Variants in CPAP observed in about 807,000 individuals in gnomAD.
The protein encoded by CPAP is centrosome assembly and centriole elongation protein, also known as centrosomal P4.1-associated protein.
At chr13:24,920,777 T>C in the CPAP span, among the ~76,000 whole-genome samples, 21 of 134,154 alleles carry the variant, frequency 1.6e-4, no homozygotes, top group East Asian at 3.1e-3. Context: ...TGCACCACCA[T>C]ACCTGGCTTT....
chr13:24,906,504 T>C, the CPAP span: 3 of 1,614,238 alleles, frequency 1.9e-6, no homozygotes, highest in Non-Finnish European at 2.5e-6. Context: ...GTGCAGCCAG[T>C]ATCGCAAGGT....
At chr13:24,891,591 AAC>A in the CPAP span, among the ~76,000 whole-genome samples, 1 of 151,590 alleles carries the variant, frequency 6.6e-6, no homozygotes, top group Non-Finnish European at 1.5e-5. Context: ...CTCAACAACA[AAC>A]ACAGTCTGCT....
chr13:24,890,398 CCT>C, the CPAP span, among the ~76,000 whole-genome samples: 3 of 152,194 alleles, frequency 2.0e-5, no homozygotes, highest in Non-Finnish European at 4.4e-5. Flanking sequence ...ATTCCCCACC[CCT>C]GACCACGCTC....
the CPAP span, among the ~76,000 whole-genome samples, chr13:24,933,788 G>A: frequency 6.6e-6 from 1 of 151,556 alleles, no homozygotes; most frequent in Admixed American, 6.6e-5. Flanking sequence ...GCAGTGGTGC[G>A]ATCTCAGCTC....
the CPAP span, among the ~76,000 whole-genome samples, chr13:24,915,546 G>C: frequency 1.3e-5 from 2 of 152,178 alleles, no homozygotes; most frequent in Non-Finnish European, 2.9e-5. Context: ...GCTCACGCCT[G>C]TAATCCCAGC....
the CPAP span, chr13:24,884,130 A>AATT: frequency 4.6e-6 from 7 of 1,527,592 alleles, no homozygotes; most frequent in East Asian, 1.7e-4. Context: ...GGAAGGGAAG[A>AATT]ATTTAATGAG....
the CPAP span, among the ~76,000 whole-genome samples, chr13:24,895,634 C>G: frequency 3.3e-5 from 5 of 152,282 alleles, no homozygotes; most frequent in East Asian, 9.6e-4. Flanking sequence ...ACCAAACAGT[C>G]TTAAATAACC....
chr13:24,893,672 T>C, the CPAP span, among the ~76,000 whole-genome samples: 1 of 152,246 alleles, frequency 6.6e-6, no homozygotes, highest in Non-Finnish European at 1.5e-5. Flanking sequence ...CCTCCATGAA[T>C]ATCAGGTTTC....
At chr13:24,917,932 C>T in the CPAP span, among the ~76,000 whole-genome samples, 7 of 152,178 alleles carry the variant, frequency 4.6e-5, no homozygotes, top group Non-Finnish European at 7.3e-5. Flanking sequence ...CAGCATTAAT[C>T]CATTCATTAG....
At chr13:24,923,457 G>C in the CPAP span, among the ~76,000 whole-genome samples, 2 of 152,132 alleles carry the variant, frequency 1.3e-5, no homozygotes, top group African/African-American at 4.8e-5. Flanking sequence ...TCGGTGGTTT[G>C]GCAGAGTGTG....
chr13:24,901,638 A>G, the CPAP span, among the ~76,000 whole-genome samples: 2 of 152,226 alleles, frequency 1.3e-5, no homozygotes, highest in Admixed American at 1.3e-4. Context: ...TAATACAGTC[A>G]TTTCAAGGAT....
chr13:24,882,957 C>T, the CPAP span: 1 of 550,024 alleles, frequency 1.8e-6, no homozygotes, highest in Non-Finnish European at 3.2e-6. Context: ...AGTCAAAATG[C>T]TTTCCTTAGT....
At chr13:24,883,122 A>G in the CPAP span, 6 of 1,402,292 alleles carry the variant, frequency 4.3e-6, no homozygotes, top group Admixed American at 1.0e-4. Flanking sequence ...CAGTAAATGT[A>G]CATTTTTTAA....
chr13:24,894,013 C>T, the CPAP span, among the ~76,000 whole-genome samples: 2 of 151,932 alleles, frequency 1.3e-5, no homozygotes, highest in Admixed American at 1.3e-4. Flanking sequence ...ATGACACGTG[C>T]TGGGTGTCAC....
At chr13:24,912,794 G>A in the CPAP span, 1 of 1,614,114 alleles carries the variant, frequency 6.2e-7, no homozygotes, top group Non-Finnish European at 8.5e-7. Flanking sequence ...TCCAACTTCT[G>A]TTCTTCAAGA....
chr13:24,921,397 G>A, the CPAP span, among the ~76,000 whole-genome samples: 39 of 152,172 alleles, frequency 2.6e-4, no homozygotes, highest in African/African-American at 8.2e-4. Flanking sequence ...TGGTCTGTAC[G>A]CCTGGAACCG....
the CPAP span, among the ~76,000 whole-genome samples, chr13:24,901,174 C>T: frequency 6.6e-6 from 1 of 152,252 alleles, no homozygotes; most frequent in East Asian, 1.9e-4. Context: ...TTCAAAATGT[C>T]GACCGTGTGC....
chr13:24,885,152 A>G, the CPAP span: 3 of 693,666 alleles, frequency 4.3e-6, no homozygotes, highest in South Asian at 5.0e-5. Context: ...TGAATCTCTG[A>G]ACGAGAAATG....
At chr13:24,904,006 T>C in the CPAP span, 1 of 1,614,138 alleles carries the variant, frequency 6.2e-7, no homozygotes, top group Non-Finnish European at 8.5e-7. Flanking sequence ...TTTCTATTTC[T>C]GTTTCCAATT....
Sources: gnomAD v4.1 joint callset for allele counts (sites outside exome capture counted in the v4.1 genomes callset) on GRCh38, gnomAD v4.1.1 for gene constraint, MANE v1.5 for transcripts, NCBI Gene and HGNC (gene_info 2026-07-23, HGNC 2026-07-21) for gene names.